CREB3L2: variants seen among roughly 807,000 people sequenced by gnomAD.
CREB3L2 encodes the protein cAMP responsive element binding protein 3 like 2, also known as cyclic AMP-responsive element-binding protein 3-like protein 2.
Under a neutral mutation model 57.2 loss-of-function variants are expected in CREB3L2, and 23 were observed. That is an observed-to-expected ratio of 0.40 (90% confidence interval 0.29 to 0.57). CREB3L2 has a LOEUF of 0.57. Ranked by LOEUF, CREB3L2 falls within the 20% of genes least tolerant of loss-of-function variation. The probability of loss-of-function intolerance (pLI) is 0.42; values close to 1 mark genes in which losing one functional copy is unlikely to be tolerated. For missense variants in CREB3L2, 628 were observed against 634.7 expected (o/e 0.99, Z 0.11); for synonymous variants, 268 against 265.1 (o/e 1.01, Z -0.11).
chr7:137,921,872 G>T (rs758278562), intron 2 of CREB3L2, among the ~76,000 whole-genome samples: 2 of 151,920 alleles, frequency 1.3e-5, no homozygotes, highest in Non-Finnish European at 2.9e-5. Flanking sequence ...CCAGGCCCAA[G>T]CGATCCTGCC....
chr7:137,898,341 A>T (rs755228036), intron 8 of CREB3L2, among the ~76,000 whole-genome samples: 3 of 152,222 alleles, frequency 2.0e-5, no homozygotes, highest in Admixed American at 1.3e-4. Flanking sequence ...CATTATGAAA[A>T]ACAGTGTAGA....
At chr7:137,885,308 C>A (rs1799390946) in intron 9 of CREB3L2, 95 bp downstream of exon 9, 2 of 1,264,162 alleles carry the variant, frequency 1.6e-6, no homozygotes, top group Non-Finnish European at 2.2e-6. Flanking sequence ...GTGGTTTCTC[C>A]TACAGCACAG....
intron 2 of CREB3L2, among the ~76,000 whole-genome samples, chr7:137,920,419 T>C (rs1800247179): frequency 6.6e-6 from 1 of 152,178 alleles, no homozygotes; most frequent in Non-Finnish European, 1.5e-5. Context: ...CAGCCAACTA[T>C]TAGCTGACCT....
chr7:137,903,835 TA>T, intron 7 of CREB3L2, 123 bp downstream of exon 7: 1 of 805,136 alleles, frequency 1.2e-6, no homozygotes. Context: ...CCACAGCTGA[TA>T]AACCACCGGG....
chr7:137,883,600 A>G (rs1460621278), intron 10 of CREB3L2, among the ~76,000 whole-genome samples: 1 of 152,202 alleles, frequency 6.6e-6, no homozygotes, highest in Non-Finnish European at 1.5e-5. Flanking sequence ...ATAAAATAGA[A>G]CAATTCTAAC....
chr7:137,948,505 T>C (rs1210863815), intron 1 of CREB3L2, among the ~76,000 whole-genome samples: 1 of 152,210 alleles, frequency 6.6e-6, no homozygotes, highest in Admixed American at 6.5e-5. Flanking sequence ...CTCAGTTCCA[T>C]GTCCCTACTA....
At position 137,922,370 on chromosome 7, in the gene CREB3L2, CTATATATATATATGTATATATATATA is replaced by C. The variant is rs1563253058; in HGVS notation, c.319+5754_319+5779del. 3.9e-3 allele frequency among the ~76,000 whole-genome samples: 393 copies of C among 100,748 alleles called. 15 individuals carry two copies. Among genetic ancestry groups the C allele is most frequent in the African/African-American group, 0.017 (377 of 22,454 alleles). 66.1% of individuals were successfully genotyped at this position (100,748 alleles called of 152,430 possible). On this transcript the variant is annotated intron_variant, in intron 2 of 11. Transcript: ENST00000330387. ...CCTGTATCAGATACTTTCTGGTTTA[CTATATATATATATGTATATATATATA>C]TATATATATATATATATATGTATAT...
At chr7:137,927,774 T>C (rs578012676) in intron 2 of CREB3L2, among the ~76,000 whole-genome samples, 3 of 116,120 alleles carry the variant, frequency 2.6e-5, no homozygotes, top group Admixed American at 9.3e-5. Context: ...TATAGAGGAA[T>C]AGTTCTTTCT....
intron 1 of CREB3L2, among the ~76,000 whole-genome samples, chr7:137,942,068 C>T (rs1221058241): frequency 6.6e-6 from 1 of 152,196 alleles, no homozygotes; most frequent in Non-Finnish European, 1.5e-5. Flanking sequence ...TATCTCCAGT[C>T]TCAAACCATC....
At chr7:137,958,658 T>C (rs919088164) in intron 1 of CREB3L2, among the ~76,000 whole-genome samples, 3 of 152,248 alleles carry the variant, frequency 2.0e-5, no homozygotes, top group African/African-American at 7.2e-5. Context: ...GTTTAAATGT[T>C]TTAAGAAATC....
chr7:137,928,937 TG>T (rs1202101414), intron 1 of CREB3L2, among the ~76,000 whole-genome samples: 8 of 152,192 alleles, frequency 5.3e-5, no homozygotes, highest in Admixed American at 5.2e-4. Flanking sequence ...CATGATTCAC[TG>T]GGGGTCCTTG....
chr7:137,896,692 G>T (rs142726689), intron 8 of CREB3L2, among the ~76,000 whole-genome samples: 1 of 152,100 alleles, frequency 6.6e-6, no homozygotes, highest in Non-Finnish European at 1.5e-5. Flanking sequence ...CCATAAAAGC[G>T]TTATCCACGA....
chr7:137,949,925 T>C (rs1360883890), intron 1 of CREB3L2, among the ~76,000 whole-genome samples: 1 of 152,204 alleles, frequency 6.6e-6, no homozygotes, highest in Non-Finnish European at 1.5e-5. Context: ...GATCTATTGA[T>C]AAGCTCCTTG....
intron 2 of CREB3L2, among the ~76,000 whole-genome samples, chr7:137,918,100 G>T (rs1488161304): frequency 1.3e-5 from 2 of 152,316 alleles, no homozygotes; most frequent in East Asian, 3.9e-4. Context: ...CCGCTGCAAA[G>T]AACACCCGCT....
chr7:137,916,336 T>A (rs1031420522), intron 2 of CREB3L2, among the ~76,000 whole-genome samples: 1 of 152,328 alleles, frequency 6.6e-6, no homozygotes, highest in African/African-American at 2.4e-5. Flanking sequence ...ATTTTGAATA[T>A]GTAATGAGCT....
chr7:137,928,437 C>A, intron 1 of CREB3L2, 71 bp from the exon 2 acceptor site: 2 of 1,165,198 alleles, frequency 1.7e-6, no homozygotes, highest in Non-Finnish European at 1.3e-6. Flanking sequence ...ACGCACATAC[C>A]AAATACCTCA....
intron 1 of CREB3L2, among the ~76,000 whole-genome samples, chr7:137,992,031 A>T (rs554979750): frequency 6.6e-6 from 1 of 152,154 alleles, no homozygotes; most frequent in East Asian, 1.9e-4. Context: ...CAATTCTTTA[A>T]AAAAAAATCC....
intron 1 of CREB3L2, among the ~76,000 whole-genome samples, chr7:137,995,953 A>G (rs1347413375): frequency 6.6e-6 from 1 of 152,246 alleles, no homozygotes; most frequent in Non-Finnish European, 1.5e-5. Context: ...AGAGACAGTA[A>G]AATAATCCGT....
At chr7:137,947,102 C>T (rs981431234) in intron 1 of CREB3L2, among the ~76,000 whole-genome samples, 7 of 148,416 alleles carry the variant, frequency 4.7e-5, no homozygotes, top group South Asian at 2.1e-4. Flanking sequence ...CTCTCTCTCT[C>T]GCTCTCTCTC....
Sources: allele counts gnomAD v4.1 joint callset (sites outside exome capture counted in the v4.1 genomes callset), GRCh38; gene constraint gnomAD v4.1.1; transcripts MANE v1.5; gene names NCBI Gene and HGNC (gene_info 2026-07-23, HGNC 2026-07-21).